MKKS: variants seen among roughly 807,000 people sequenced by gnomAD.
MKKS encodes the protein MKKS centrosomal shuttling protein, also known as molecular chaperone MKKS.
A neutral mutation model predicts 33.2 loss-of-function variants in MKKS; 29 were observed. That is an observed-to-expected ratio of 0.87 (90% CI 0.65 to 1.19). The LOEUF (loss-of-function observed/expected upper bound fraction) is 1.19, where lower values mean the gene tolerates loss of function less well. Ranked by LOEUF, MKKS falls within the 50% of genes most tolerant of loss-of-function variation. The pLI is 0.00. For missense variants in MKKS, 661 were observed against 662.3 expected, an observed-to-expected ratio of 1.00 and a Z score of 0.02; for synonymous variants, 260 against 244.0, an observed-to-expected ratio of 1.07 and a Z score of -0.61.
At chr20:10,415,099 TA>T (rs567554943) in intron 2 of MKKS, among the ~76,000 whole-genome samples, 22 of 152,028 alleles carry the variant, frequency 1.4e-4, no homozygotes, top group South Asian at 8.3e-4. Flanking sequence ...GTGTCCTTGC[TA>T]AAAAAAAGTG....
intron 1 of MKKS, among the ~76,000 whole-genome samples, chr20:10,424,835 T>C (rs2065004510): frequency 6.6e-6 from 1 of 152,088 alleles, no homozygotes; most frequent in African/African-American, 2.4e-5. Flanking sequence ...GTGGATCACC[T>C]GAGGTCAGGA....
intron 3 of MKKS, among the ~76,000 whole-genome samples, chr20:10,409,306 A>AT (rs1393854925): frequency 1.3e-5 from 2 of 152,276 alleles, no homozygotes; most frequent in South Asian, 2.1e-4. Flanking sequence ...TGTAAGAATT[A>AT]TTTTTTTGTC....
rs1054749963 is a variant in MKKS at position 10,407,851 on chromosome 20, G to C, written c.1162-125C>G. On this transcript the variant is annotated intron_variant, in intron 4 of 5. Transcript: ENST00000347364. The stretch of plus-strand genomic sequence containing the variant: ...TTTTAATTACAAAAGAACAAAACTT[G>C]TGTGGTGCCAAGGTTGTCATGTGAT... 8 of 765,456 alleles carry C rather than the reference G, an allele frequency of 1.0e-5. No individual in the cohort carries two copies. The African/African-American group carries it at 1.4e-4, about 13-fold the overall frequency. The allele number at this position is 765,456 out of a possible 1,614,324, so 47.4% of individuals were successfully genotyped here. A position where few individuals can be genotyped will look rare whatever the true frequency, so the allele number is the denominator to read the frequency against.
chr20:10,409,481 G>A (rs907341906), intron 3 of MKKS, among the ~76,000 whole-genome samples: 4 of 152,114 alleles, frequency 2.6e-5, no homozygotes, highest in East Asian at 1.9e-4. Context: ...AGAAGTTAGC[G>A]TGACTTGAAT....
In MKKS at chr20:10,420,849, G is replaced by A. The variant is rs2064975578; in HGVS notation, c.-648-91C>T. On this transcript the variant is annotated intron_variant, in intron 1 of 5. Transcript: ENST00000347364. ...TCTAAATCACTACAAGTAGCATGCT[G>A]TACTCTAACAAATGCTGACTGTTAA... The A allele has an allele frequency of 2.6e-5, 4 of 152,122 alleles. No homozygotes were observed. The South Asian group carries it at 8.3e-4, about 31-fold the overall frequency. 9.4% of individuals were successfully genotyped at this position (152,122 alleles called of 1,614,324 possible).
intron 1 of MKKS, among the ~76,000 whole-genome samples, chr20:10,429,976 T>C (rs937737296): frequency 2.0e-5 from 3 of 152,240 alleles, no homozygotes; most frequent in Non-Finnish European, 2.9e-5. Flanking sequence ...CCCACTGTTC[T>C]AGTCTACATC....
chr20:10,419,001 C>G (rs913640520), intron 2 of MKKS, among the ~76,000 whole-genome samples: 1 of 152,006 alleles, frequency 6.6e-6, no homozygotes, highest in Non-Finnish European at 1.5e-5. Flanking sequence ...TAATAATTGT[C>G]TAATATATTA....
intron 4 of MKKS, 88 bp from the exon 5 acceptor site, chr20:10,407,814 C>T: frequency 1.0e-6 from 1 of 981,496 alleles, no homozygotes; most frequent in East Asian, 2.6e-5. Context: ...ATAGTGAATA[C>T]AGAGAGTGTG....
In MKKS at chr20:10,413,088, C is replaced by A; in HGVS notation, c.427G>T (p.Asp143Tyr). The change falls in exon 3 of 6, where the codon GAC (aspartate) becomes TAC (tyrosine). Residue 143 changes from aspartate to tyrosine, a missense_variant. Transcript: ENST00000347364. ...AGGAGGATCTGAGTACTACTAAAGT[C>A]CACTGGGATTCGACAACCACAGGTC... Reference protein sequence around the residue: ...SETCGCRIPVDFSSTQILLCL... With the variant: ...SETCGCRIPVYFSSTQILLCL... 6.2e-7 allele frequency: 1 copy of A among 1,613,938 alleles called. No homozygotes were observed.
At chr20:10,429,143 C>G (rs1568674379) in intron 1 of MKKS, among the ~76,000 whole-genome samples, 1 of 152,220 alleles carries the variant, frequency 6.6e-6, no homozygotes, top group Non-Finnish European at 1.5e-5. Flanking sequence ...TAGTCACTTC[C>G]CATTCCATCT....
At position 10,412,575 on chromosome 20, in the gene MKKS, C is replaced by G. The variant is rs1408800013; in HGVS notation, c.940G>C (p.Asp314His). Residue 314 changes from aspartate (D) to histidine (H), a missense_variant, in exon 3 of 6, where the codon GAC becomes CAC. Transcript: ENST00000347364. ...FLNMHRIIAI[D>H]RIGVTLMEPL... Reference sequence around the variant, plus strand: ...TCCATCAGAGTCACTCCAATTCTGTCTATGGCAATAATACGATGCATATTG... The same window carrying G: ...TCCATCAGAGTCACTCCAATTCTGTGTATGGCAATAATACGATGCATATTG... 6.2e-7 allele frequency: 1 copy of G among 1,614,058 alleles called. No individual in the cohort carries two copies. The highest frequency in any genetic ancestry group is 8.5e-7 in the Non-Finnish European group (1 of 1,179,986).
chr20:10,424,000 A>AG (rs1438841351), intron 1 of MKKS, among the ~76,000 whole-genome samples: 1 of 152,198 alleles, frequency 6.6e-6, no homozygotes, highest in Admixed American at 6.5e-5. Context: ...GGGGTGAGAG[A>AG]GCAAGTAACT....
chr20:10,413,376 G>C lies in MKKS; in HGVS notation c.139C>G (p.His47Asp). 6.2e-7 allele frequency: 1 copy of C among 1,613,190 alleles called. No homozygotes were observed. The highest frequency in any genetic ancestry group is 1.1e-5 in the South Asian group (1 of 91,080). The change falls in exon 3 of 6, where the codon CAC becomes GAC. Residue 47 changes from histidine (H) to aspartate (D), a missense_variant. Transcript: ENST00000347364. ...YGPSGRLKQL[H>D]NGFGGYVCTT... ...CACACGTAACCTCCAAAGCCATTGTGCAGCTGCTTCAGCCTACCTGAGGGG... is the reference window on the plus strand; with the variant it reads ...CACACGTAACCTCCAAAGCCATTGTCCAGCTGCTTCAGCCTACCTGAGGGG...
At chr20:10,428,286 G>A (rs2065029901) in intron 1 of MKKS, among the ~76,000 whole-genome samples, 1 of 152,166 alleles carries the variant, frequency 6.6e-6, no homozygotes, top group Non-Finnish European at 1.5e-5. Context: ...GAGGGGAGTA[G>A]GTATCATGCA....
rs754207459 is a variant in MKKS, at chr20:10,408,660, T to G, written c.1129A>C (p.Asn377His). ...TCATCCCAGGCAGTGTCATTTCTGTTGCAGAGAAGCAAGCTGCAGATTGTT... is the reference window on the plus strand; with the variant it reads ...TCATCCCAGGCAGTGTCATTTCTGTGGCAGAGAAGCAAGCTGCAGATTGTT... ...EATICSLLLC[N>H]RNDTAWDELK... The change falls in exon 4 of 6, where the codon AAC becomes CAC. Residue 377 changes from asparagine to histidine, a missense_variant. Physicochemically the swap from Asn to His is moderately conservative, Grantham distance 68. Transcript: ENST00000347364. 1.2e-6 allele frequency: 2 copies of G among 1,614,090 alleles called. No individual in the cohort carries two copies. Among genetic ancestry groups the G allele is most frequent in the Admixed American group, 3.3e-5 (2 of 60,024 alleles).
rs141201812 is a variant in MKKS at position 10,412,818 on chromosome 20, T to G, written c.697A>C (p.Ile233Leu). 564 of 1,614,204 alleles carry G rather than the reference T, an allele frequency of 3.5e-4. No individual in the cohort carries two copies. Among genetic ancestry groups the G allele is most frequent in the Admixed American group, 5.8e-4 (35 of 60,024 alleles). ...ACCTTGAGGGCAGTTGATTTTTTGA[T>G]AGGTAATAGCCTCATTAATTGAACT... The part of the protein sequence containing the change: ...SEVQLMRLLP[I>L]KKSTALKVAL... The change falls in exon 3 of 6, where the codon ATC (isoleucine) becomes CTC (leucine). Residue 233 changes from isoleucine to leucine, a missense_variant. By Grantham distance (5) the Ile-to-Leu change is conservative. Coordinates refer to ENST00000347364, the MANE Select transcript of MKKS (RefSeq NM_170784.3).
intron 2 of MKKS, among the ~76,000 whole-genome samples, chr20:10,415,362 G>A (rs1273860293): frequency 2.0e-5 from 3 of 152,164 alleles, no homozygotes; most frequent in Non-Finnish European, 2.9e-5. Flanking sequence ...ACCTTGATTT[G>A]AAGATGTGCA....
rs114305214 is a variant in MKKS at position 10,417,830 on chromosome 20, G to A, written c.-418+2698C>T. 8.2e-3 allele frequency among the ~76,000 whole-genome samples: 1,249 copies of A among 152,174 alleles called. 18 individuals carry two copies. The highest frequency in any genetic ancestry group is 0.029 in the African/African-American group (1,194 of 41,498). On this transcript the variant is annotated intron_variant, in intron 2 of 5. Coordinates refer to ENST00000347364, the MANE Select transcript of MKKS (RefSeq NM_170784.3). ...GAAAGTAGCCTCTTGATATAATTAC[G>A]AGATTACAGGAAATAGGGGAGAGAA...
In MKKS at chr20:10,405,498, C is replaced by T. The variant is rs61734546; in HGVS notation, c.1462G>A (p.Ala488Thr). ...TGTGAAAGCAAATCTGGCCAGTTAG[C>T]AACACAGGGAGAATCTGCCTGAACT... ...WSVQADSPCV[A>T]NWPDLLSQCG... Residue 488 changes from alanine to threonine, a missense_variant, in exon 6 of 6, where the codon GCT (alanine) becomes ACT (threonine). Physicochemically the swap from Ala to Thr is moderately conservative, Grantham distance 58. Transcript: ENST00000347364. 2.1e-3 allele frequency: 3,457 copies of T among 1,614,142 alleles called. 63 individuals are homozygous for T. The African/African-American group carries it at 0.041, about 19-fold the overall frequency.
Sources: gnomAD v4.1 joint callset for allele counts (sites outside exome capture counted in the v4.1 genomes callset) on GRCh38, gnomAD v4.1.1 for gene constraint, MANE v1.5 for transcripts, NCBI Gene and HGNC (gene_info 2026-07-23, HGNC 2026-07-21) for gene names.